Variants in ANKRD18B observed in about 807,000 individuals in gnomAD.
ANKRD18B encodes ankyrin repeat domain-containing protein 18B.
In ANKRD18B, 75 loss-of-function variants were observed where a neutral mutation model predicts 111.8. The observed-to-expected ratio is 0.67, with a 90% CI of 0.56 to 0.81. ANKRD18B has a LOEUF of 0.81. Among genes scored for constraint, ANKRD18B ranks in the 40% least tolerant of loss-of-function variants. ANKRD18B has a pLI of 0.00. For synonymous variants in ANKRD18B, 356 were observed against 417.3 expected (o/e 0.85, Z 1.79); for missense variants, 1,038 against 1,225.5 (o/e 0.85, Z 2.28).
rs939340740 is a variant in ANKRD18B at position 33,524,609 on chromosome 9, G to A, written c.120G>A (p.Arg40=). ...IRDWELRKIH[R]AAIKGDAAEV... Reference sequence around the variant, plus strand: ...ACTGGGAACTGCGGAAGATCCACAGGGCGGCCATCAAGGGCGACGCCGCAG... The same window carrying A: ...ACTGGGAACTGCGGAAGATCCACAGAGCGGCCATCAAGGGCGACGCCGCAG... The change falls in exon 1 of 19, where the codon AGG becomes AGA. Residue 40 remains arginine, a synonymous_variant. Coordinates refer to ENST00000684830, the MANE Select transcript of ANKRD18B (RefSeq NM_001393611.1). The A allele has an allele frequency of 1.3e-6, 2 of 1,551,454 alleles. No individual in the cohort carries two copies. The highest frequency in any genetic ancestry group is 2.7e-5 in the African/African-American group (2 of 73,056).
At chr9:33,540,705 G>GTCTC (rs957139557) in intron 8 of ANKRD18B, among the ~76,000 whole-genome samples, 2 of 151,774 alleles carry the variant, frequency 1.3e-5, no homozygotes, top group African/African-American at 4.8e-5. Context: ...AGGCCATGTG[G>GTCTC]TCTCTCTCTC....
rs1283102283 is a variant in ANKRD18B, at chr9:33,533,509, A to C, written c.566A>C (p.Asn189Thr). 2 of 1,532,924 alleles carry C rather than the reference A, an allele frequency of 1.3e-6. No individual in the cohort carries two copies. Among genetic ancestry groups the C allele is most frequent in the Non-Finnish European group, 1.8e-6 (2 of 1,141,838 alleles). 95.0% of individuals were successfully genotyped at this position (1,532,924 alleles called of 1,614,324 possible). A position where few individuals can be genotyped will look rare whatever the true frequency, so the allele number is the denominator to read the frequency against. ...RQHMVEFLLK[N>T]QANIHAVDNF... ...CATATGGTGGAATTTTTATTGAAGA[A>C]CCAGGCAAATATACATGCCGTTGAC... The change falls in exon 4 of 19, where the codon AAC (asparagine) becomes ACC (threonine). Residue 189 changes from asparagine (N) to threonine (T), a missense_variant. Asn to Thr is a moderately conservative substitution (Grantham distance 65). Coordinates refer to ENST00000684830, the MANE Select transcript of ANKRD18B (RefSeq NM_001393611.1).
rs774850737 is a variant in ANKRD18B at position 33,534,461 on chromosome 9, T to A, written c.694T>A (p.Phe232Ile). ...TATACATATCTCTTCTCAAGACATG[T>A]TTGGCCAAACTGCCGAGGATTATGC... ...QNIHISSQDM[F>I]GQTAEDYAFC... The change falls in exon 5 of 19, where the codon TTT (phenylalanine) becomes ATT (isoleucine). Residue 232 changes from phenylalanine to isoleucine, a missense_variant. Coordinates refer to ENST00000684830, the MANE Select transcript of ANKRD18B (RefSeq NM_001393611.1). 53 of 1,550,832 alleles carry A rather than the reference T, an allele frequency of 3.4e-5. No homozygotes were observed. In the South Asian group the frequency reaches 4.5e-4, roughly 13 times the overall value.
chr9:33,568,660 T>C lies in ANKRD18B; in HGVS notation c.2955-11T>C. 9 of 1,513,794 alleles carry C rather than the reference T, an allele frequency of 5.9e-6. No homozygotes were observed. The highest frequency in any genetic ancestry group is 7.9e-6 in the Non-Finnish European group (9 of 1,133,180). The allele number at this position is 1,513,794 out of a possible 1,614,324, so 93.8% of individuals were successfully genotyped here. A position where few individuals can be genotyped will look rare whatever the true frequency, so the allele number is the denominator to read the frequency against. ...TGAAATACTAAGCATTTGTCTTTGC[T>C]CTCTTTACAGATCGGATAAGAAAAT... On this transcript the variant is annotated splice_polypyrimidine_tract_variant and intron_variant, in intron 16 of 18. Coordinates refer to ENST00000684830, the MANE Select transcript of ANKRD18B (RefSeq NM_001393611.1).
At chr9:33,563,183 T>C (rs1828632419) in intron 14 of ANKRD18B, among the ~76,000 whole-genome samples, 2 of 152,224 alleles carry the variant, frequency 1.3e-5, no homozygotes, top group Non-Finnish European at 2.9e-5. Flanking sequence ...GAGACTCTTT[T>C]CTGCTACCTA....
At chr9:33,542,178 C>G (rs1445361887) in intron 9 of ANKRD18B, among the ~76,000 whole-genome samples, 1 of 149,816 alleles carries the variant, frequency 6.7e-6, no homozygotes, top group Non-Finnish European at 1.5e-5. Flanking sequence ...TAAAGACTGT[C>G]TACACAGAGA....
intron 14 of ANKRD18B, among the ~76,000 whole-genome samples, chr9:33,565,142 T>C (rs1204358478): frequency 6.6e-6 from 1 of 152,244 alleles, no homozygotes; most frequent in Non-Finnish European, 1.5e-5. Flanking sequence ...AATAGTTTGA[T>C]AACTTTGGGC....
chr9:33,538,338 C>G (rs1456388865), intron 6 of ANKRD18B, among the ~76,000 whole-genome samples: 6 of 152,194 alleles, frequency 3.9e-5, no homozygotes, highest in Admixed American at 3.9e-4. Context: ...TTAATTTATT[C>G]ACCATAAGGT....
chr9:33,533,372 A>G, intron 3 of ANKRD18B, 67 bp from the exon 4 acceptor site: 2 of 1,502,610 alleles, frequency 1.3e-6, no homozygotes, highest in South Asian at 1.3e-5. Context: ...CATCTTATAG[A>G]AGATTTTTAG....
intron 3 of ANKRD18B, among the ~76,000 whole-genome samples, chr9:33,531,956 T>C (rs1265039210): frequency 1.3e-5 from 2 of 152,134 alleles, no homozygotes; most frequent in African/African-American, 2.4e-5. Flanking sequence ...AAGTGACAGC[T>C]GGATGCGATG....
At chr9:33,542,251 G>A (rs1330088465) in intron 9 of ANKRD18B, among the ~76,000 whole-genome samples, 1 of 149,734 alleles carries the variant, frequency 6.7e-6, no homozygotes, top group Non-Finnish European at 1.5e-5. Context: ...CAGCTCAGAT[G>A]GTGAAGTGAC....
At chr9:33,549,066 G>A (rs1031551528) in intron 11 of ANKRD18B, among the ~76,000 whole-genome samples, 1 of 152,132 alleles carries the variant, frequency 6.6e-6, no homozygotes, top group Non-Finnish European at 1.5e-5. Flanking sequence ...GAAGCGGGTC[G>A]TGACTGCTAA....
intron 14 of ANKRD18B, among the ~76,000 whole-genome samples, chr9:33,564,664 G>A (rs561507470): frequency 6.6e-6 from 1 of 152,238 alleles, no homozygotes; most frequent in Admixed American, 6.5e-5. Flanking sequence ...CCCACCAACA[G>A]CATGTAAGAG....
At chr9:33,526,536 T>A (rs1828027850) in intron 1 of ANKRD18B, among the ~76,000 whole-genome samples, 1 of 152,208 alleles carries the variant, frequency 6.6e-6, no homozygotes, top group Non-Finnish European at 1.5e-5. Context: ...ACCTTTGATT[T>A]CTGAAGTGAG....
intron 10 of ANKRD18B, among the ~76,000 whole-genome samples, chr9:33,546,519 G>T (rs1828358309): frequency 6.6e-6 from 1 of 152,070 alleles, no homozygotes; most frequent in African/African-American, 2.4e-5. Flanking sequence ...ATAGTAGAAG[G>T]CTGAGTCCTG....
rs1828403784 is a variant in ANKRD18B at position 33,548,746 on chromosome 9, A to G, written c.1958A>G (p.Glu653Gly). ...ATTAATATCCACAGAGACTGTCTTG[A>G]GAATGGAAAGGAAGATCTTCTAGAA... ...IVINIHRDCL[E>G]NGKEDLLEER... Residue 653 changes from glutamate (E) to glycine (G), a missense_variant, in exon 11 of 19, where the codon GAG (glutamate) becomes GGG (glycine). Transcript: ENST00000684830. 2.6e-6 allele frequency: 4 copies of G among 1,550,822 alleles called. No individual in the cohort carries two copies. The highest frequency in any genetic ancestry group is 3.5e-6 in the Non-Finnish European group (4 of 1,146,506).
intron 9 of ANKRD18B, among the ~76,000 whole-genome samples, chr9:33,542,394 G>A (rs1422410058): frequency 1.7e-5 from 2 of 115,162 alleles, no homozygotes; most frequent in South Asian, 5.7e-4. Context: ...TTTTTTTTCT[G>A]TTTTTGGAAA....
rs537634649 is a variant in ANKRD18B, at chr9:33,555,608, C to T, written c.2218-100C>T. 228 of 953,744 alleles carry T rather than the reference C, an allele frequency of 2.4e-4. 1 individual carries two copies. The South Asian group carries it at 8.5e-3, about 35-fold the overall frequency. 59.1% of individuals were successfully genotyped at this position (953,744 alleles called of 1,614,324 possible). A position where few individuals can be genotyped will look rare whatever the true frequency, so the allele number is the denominator to read the frequency against. On this transcript the variant is annotated intron_variant, in intron 12 of 18. Transcript: ENST00000684830. ...TGTAAAATGCACTTTATACAACTGC[C>T]TAAATACATATTATTCATCAACTTA...
At chr9:33,559,254 G>T (rs1389452580) in intron 14 of ANKRD18B, among the ~76,000 whole-genome samples, 1 of 152,114 alleles carries the variant, frequency 6.6e-6, no homozygotes, top group Non-Finnish European at 1.5e-5. Context: ...ACCTAGAAGG[G>T]GAGAGATTGG....
Sources: allele counts gnomAD v4.1 joint callset (sites outside exome capture counted in the v4.1 genomes callset), GRCh38; gene constraint gnomAD v4.1.1; transcripts MANE v1.5; gene names NCBI Gene and HGNC (gene_info 2026-07-23, HGNC 2026-07-21).